The following DLG2 variants were observed in gnomAD, a reference collection of about 807,000 sequenced individuals.
DLG2 encodes the protein discs large MAGUK scaffold protein 2, also known as disks large homolog 2.
DLG2 carries 45 observed loss-of-function variants against 132.5 expected under a neutral mutation model. The observed-to-expected ratio is 0.34, with a 90% CI of 0.27 to 0.44. The LOEUF is 0.44. DLG2 is among the 20% of genes least tolerant of loss of function. DLG2 has a pLI of 1.00. For missense variants in DLG2, 1,045 were observed against 1,196.9 expected (o/e 0.87, Z 1.87); for synonymous variants, 424 against 419.6 (o/e 1.01, Z -0.13).
chr11:84,477,056 G>A (rs1007193409), intron 7 of DLG2, among the ~76,000 whole-genome samples: 23 of 152,130 alleles, frequency 1.5e-4, no homozygotes, highest in Non-Finnish European at 2.6e-4. Context: ...CACTAAAATC[G>A]TGCCTGAAAT....
At chr11:83,881,646 C>G (rs977887063) in intron 15 of DLG2, among the ~76,000 whole-genome samples, 1 of 152,156 alleles carries the variant, frequency 6.6e-6, no homozygotes, top group Admixed American at 6.5e-5. Flanking sequence ...TAAGCAGCAT[C>G]CTTTTAATAG....
chr11:84,780,885 C>T (rs1283599912), intron 6 of DLG2, among the ~76,000 whole-genome samples: 1 of 151,352 alleles, frequency 6.6e-6, no homozygotes, highest in African/African-American at 2.4e-5. Flanking sequence ...ATAGTTTTTT[C>T]CCACTAGATG....
chr11:84,612,089 CCCTTTA>C (rs1045357100), intron 6 of DLG2, among the ~76,000 whole-genome samples: 8 of 152,124 alleles, frequency 5.3e-5, no homozygotes, highest in African/African-American at 1.9e-4. Flanking sequence ...TGTACTCTTT[CCCTTTA>C]CAACTTTTCT....
At chr11:84,978,807 G>C (rs967932506) in intron 6 of DLG2, among the ~76,000 whole-genome samples, 1 of 152,132 alleles carries the variant, frequency 6.6e-6, no homozygotes, top group Non-Finnish European at 1.5e-5. Flanking sequence ...AGCCAAAATT[G>C]ACAAATGGGA....
rs547981153 is a variant in DLG2, at chr11:83,657,744, A to G, written c.1826-24419T>C. Among the ~76,000 whole-genome samples, 1,002 of 151,888 alleles carry G rather than the reference A, an allele frequency of 6.6e-3. 9 individuals carry two copies. The highest frequency in any genetic ancestry group is 0.022 in the African/African-American group (931 of 41,460). Reference sequence around the variant, plus strand: ...TTTAGTAGAGACGGGGTTTCACCGCATTAGCCAGGATGGTCTCAATCTCCT... The same window carrying G: ...TTTAGTAGAGACGGGGTTTCACCGCGTTAGCCAGGATGGTCTCAATCTCCT... On this transcript the variant is annotated intron_variant, in intron 18 of 27. Coordinates refer to ENST00000376104, the MANE Select transcript of DLG2 (RefSeq NM_001142699.3).
chr11:85,444,388 A>G (rs1483149756), intron 3 of DLG2, among the ~76,000 whole-genome samples: 1 of 152,210 alleles, frequency 6.6e-6, no homozygotes, highest in Non-Finnish European at 1.5e-5. Flanking sequence ...TATGGCTAAC[A>G]GGCAGTATGT....
chr11:84,470,991 A>G (rs1432954883), intron 7 of DLG2, among the ~76,000 whole-genome samples: 1 of 151,800 alleles, frequency 6.6e-6, no homozygotes, highest in Non-Finnish European at 1.5e-5. Flanking sequence ...TTTCTTATAC[A>G]CTGTGCTGAC....
At position 83,857,536 on chromosome 11, in the gene DLG2, A is replaced by C. The variant is rs1398796378; in HGVS notation, c.1565+16884T>G. 2.6e-5 allele frequency among the ~76,000 whole-genome samples: 4 copies of C among 152,196 alleles called. No individual in the cohort carries two copies. The East Asian group carries it at 7.7e-4, about 29-fold the overall frequency. The stretch of plus-strand genomic sequence containing the variant: ...AAGATCATCCCCAAGACACATAATC[A>C]TCAGAATCTCCAAGTTCAGATAATT... On this transcript the variant is annotated intron_variant, in intron 16 of 27. Coordinates refer to ENST00000376104, the MANE Select transcript of DLG2 (RefSeq NM_001142699.3).
chr11:85,285,417 A>G, intron 3 of DLG2, 52 bp from the exon 4 acceptor site: 1 of 1,567,120 alleles, frequency 6.4e-7, no homozygotes, highest in African/African-American at 1.4e-5. Flanking sequence ...GACTTCATAA[A>G]TAGCTTCTGC....
At chr11:84,403,396 A>G (rs1457905346) in intron 7 of DLG2, among the ~76,000 whole-genome samples, 2 of 152,194 alleles carry the variant, frequency 1.3e-5, no homozygotes, top group African/African-American at 4.8e-5. Flanking sequence ...CTGACAGCCA[A>G]TCAATTGCCA....
At chr11:84,243,004 T>TCTCTCC (rs1202390523) in intron 8 of DLG2, among the ~76,000 whole-genome samples, 1 of 143,988 alleles carries the variant, frequency 6.9e-6, no homozygotes, top group East Asian at 2.0e-4. Context: ...TCTCTCTCTC[T>TCTCTCC]CTCTCTCTCT....
intron 6 of DLG2, among the ~76,000 whole-genome samples, chr11:84,634,226 T>A (rs1371365689): frequency 6.6e-6 from 1 of 152,214 alleles, no homozygotes; most frequent in Non-Finnish European, 1.5e-5. Context: ...CTTTTCCTCT[T>A]ACGTGATCTT....
intron 15 of DLG2, among the ~76,000 whole-genome samples, chr11:83,914,772 TG>T (rs2076651013): frequency 6.6e-6 from 1 of 152,174 alleles, no homozygotes; most frequent in East Asian, 1.9e-4. Context: ...ACAATCTGAA[TG>T]GTAAGTGTAA....
chr11:83,710,327 T>TA (rs1473039462), intron 18 of DLG2, among the ~76,000 whole-genome samples: 4 of 152,210 alleles, frequency 2.6e-5, no homozygotes, highest in African/African-American at 9.6e-5. Flanking sequence ...CATGCCTGAT[T>TA]AATTTTTTAT....
intron 4 of DLG2, among the ~76,000 whole-genome samples, chr11:85,261,286 T>G (rs2076927229): frequency 6.6e-6 from 1 of 152,100 alleles, no homozygotes; most frequent in African/African-American, 2.4e-5. Context: ...TTGTGCTAGT[T>G]GTTTATTTGT....
chr11:84,817,472 T>G (rs2077200295), intron 6 of DLG2, among the ~76,000 whole-genome samples: 1 of 151,918 alleles, frequency 6.6e-6, no homozygotes, highest in South Asian at 2.1e-4. Flanking sequence ...AGAAAACAAG[T>G]GATACACATT....
intron 6 of DLG2, among the ~76,000 whole-genome samples, chr11:84,837,228 T>C (rs369547960): frequency 6.6e-6 from 1 of 152,000 alleles, no homozygotes; most frequent in East Asian, 1.9e-4. Flanking sequence ...TGGTCTAAAA[T>C]GTGTACCTGT....
intron 3 of DLG2, among the ~76,000 whole-genome samples, chr11:85,545,610 T>C (rs913586550): frequency 6.6e-6 from 1 of 152,176 alleles, no homozygotes. Flanking sequence ...TGTGAATCCA[T>C]GTGGTCCTGG....
At chr11:83,467,372 T>C (rs951164385) in intron 25 of DLG2, among the ~76,000 whole-genome samples, 4 of 152,102 alleles carry the variant, frequency 2.6e-5, no homozygotes, top group African/African-American at 9.7e-5. Flanking sequence ...TTGAGAATAA[T>C]GTGAATTTTT....
Sources: allele counts gnomAD v4.1 joint callset (sites outside exome capture counted in the v4.1 genomes callset), GRCh38; gene constraint gnomAD v4.1.1; transcripts MANE v1.5; gene names NCBI Gene and HGNC (gene_info 2026-07-23, HGNC 2026-07-21).